Variants in LARP7 observed in about 807,000 individuals in gnomAD.
LARP7 encodes La ribonucleoprotein 7, transcriptional regulator.
A neutral mutation model predicts 69.3 loss-of-function variants in LARP7; 52 were observed. The observed-to-expected ratio is 0.75, with a 90% CI of 0.60 to 0.95. The LOEUF is 0.95. Among genes scored for constraint, LARP7 ranks in the 40% least tolerant of loss-of-function variants. LARP7 has a pLI of 0.00. For missense variants in LARP7, 733 were observed against 673.0 expected (o/e 1.09, Z -0.99); for synonymous variants, 254 against 215.9 (o/e 1.18, Z -1.55).
At chr4:112,641,263 G>A (rs1036063884) in intron 1 of LARP7, among the ~76,000 whole-genome samples, 2 of 152,128 alleles carry the variant, frequency 1.3e-5, no homozygotes, top group Non-Finnish European at 2.9e-5. Flanking sequence ...GGTGGCACAT[G>A]CCTATAGTCC....
intron 2 of LARP7, chr4:112,645,586 A>G (rs2048161006): frequency 2.2e-6 from 1 of 455,722 alleles, no homozygotes; most frequent in East Asian, 7.0e-5. Context: ...GCTCACTCCA[A>G]CTTCTGCCCC....
In LARP7 at chr4:112,646,905, T is replaced by C; in HGVS notation, c.502T>C (p.Phe168Leu). Residue 168 changes from phenylalanine to leucine, a missense_variant, in exon 5 of 13, where the codon TTT becomes CTT. Coordinates refer to ENST00000344442, the MANE Select transcript of LARP7 (RefSeq NM_016648.4). ...TAAGTCTACTGGAGATCCAAAGGGA[T>C]TTGCGTTTGTGGAATTTGAAACAAA... ...HYKSTGDPKG[F>L]AFVEFETKEQ... is the part of the protein sequence containing the mutation. 6.2e-7 allele frequency: 1 copy of C among 1,609,862 alleles called. No homozygotes were observed. Among genetic ancestry groups the C allele is most frequent in the Non-Finnish European group, 8.5e-7 (1 of 1,179,222 alleles).
Position 112,654,289 on chromosome 4 carries a change from A to G in LARP7, c.1668+130A>G, listed in dbSNP as rs921577182. ...AACAAAAATTTACTGAGTATATACT[A>G]TGTTTTAGGTTGGGAGGGAAAAGTC... is the stretch of plus-strand genomic sequence containing the variant. On this transcript the variant is annotated intron_variant, in intron 12 of 12. Coordinates refer to ENST00000344442, the MANE Select transcript of LARP7 (RefSeq NM_016648.4). 4.6e-5 allele frequency: 26 copies of G among 565,448 alleles called. No homozygotes were observed. The South Asian group carries it at 4.7e-4, about 10-fold the overall frequency. The allele number at this position is 565,448 out of a possible 1,614,324, so 35.0% of individuals were successfully genotyped here. A position where few individuals can be genotyped will look rare whatever the true frequency, so the allele number is the denominator to read the frequency against.
rs2048682717 is a variant in LARP7, at chr4:112,650,600, C to T, written c.1416+18C>T. The T allele has an allele frequency of 1.2e-6, 2 of 1,605,142 alleles. No individual in the cohort carries two copies. Among genetic ancestry groups the T allele is most frequent in the Non-Finnish European group, 1.7e-6 (2 of 1,175,638 alleles). On this transcript the variant is annotated intron_variant, in intron 10 of 12. Coordinates refer to ENST00000344442, the MANE Select transcript of LARP7 (RefSeq NM_016648.4). ...AAGTCCGGGTAATGATTTTGAGCCC[C>T]TAGGGTATTTGTTCCTTTCTTCTCT...
chr4:112,644,539 C>A, intron 1 of LARP7, 129 bp from the exon 2 acceptor site: 1 of 1,048,548 alleles, frequency 9.5e-7, no homozygotes, highest in Non-Finnish European at 1.3e-6. Flanking sequence ...AATGTTCTTT[C>A]TGTTTGTCTT....
In LARP7 at chr4:112,653,107, T is replaced by C. The variant is rs768746321; in HGVS notation, c.1447T>C (p.Tyr483His). 6.3e-7 allele frequency: 1 copy of C among 1,599,786 alleles called. No individual in the cohort carries two copies. The highest frequency in any genetic ancestry group is 1.8e-5 in the Admixed American group (1 of 56,142). Residue 483 changes from tyrosine (Y) to histidine (H), a missense_variant, in exon 11 of 13, where the codon TAT (tyrosine) becomes CAT (histidine). Physicochemically the swap from Tyr to His is moderately conservative, Grantham distance 83. Transcript: ENST00000344442. ...TTTGGCAGCAATCTCAGAAGTTCTT[T>C]ATGTTGATTTGCTAGAAGGGGATAC... ...DTLAAISEVL[Y>H]VDLLEGDTEC...
Position 112,657,305 on chromosome 4 carries a change from T to C in LARP7, c.1727T>C (p.Ile576Thr), listed in dbSNP as rs369296762. Residue 576 changes from isoleucine to threonine, a missense_variant, in exon 13 of 13, where the codon ATA becomes ACA. Ile to Thr is a moderately conservative substitution (Grantham distance 89). Coordinates refer to ENST00000344442, the MANE Select transcript of LARP7 (RefSeq NM_016648.4). Reference sequence around the variant, plus strand: ...AAGACTCAACAAGCGAGTAAACATATAAGATTTTCTGAATATGATTGAAAA... The same window carrying C: ...AAGACTCAACAAGCGAGTAAACATACAAGATTTTCTGAATATGATTGAAAA... ...LAKTQQASKHIRFSEYD is the reference protein window; with the variant it reads ...LAKTQQASKHTRFSEYD The C allele has an allele frequency of 5.0e-6, 8 of 1,585,402 alleles. No individual in the cohort carries two copies. In the African/African-American group the frequency reaches 6.8e-5, roughly 13 times the overall value.
chr4:112,654,864 A>T (rs1451143145), intron 12 of LARP7: 5 of 152,188 alleles, frequency 3.3e-5, no homozygotes, highest in African/African-American at 1.2e-4. Context: ...AATATTAACT[A>T]CAGTCATCAA....
At position 112,647,072 on chromosome 4, in the gene LARP7, T is replaced by C; in HGVS notation, c.591T>C (p.Pro197=). ...NNPPEEAPRK[P]GIFPKTVKNK... is the part of the protein sequence containing the mutation. ...CACCAGAAGAAGCACCAAGAAAACC[T>C]GGCATATTTCCTAAAACAGTGAAAA... The change falls in exon 6 of 13, where the codon CCT becomes CCC. Residue 197 remains proline, a synonymous_variant. Coordinates refer to ENST00000344442, the MANE Select transcript of LARP7 (RefSeq NM_016648.4). The C allele has an allele frequency of 1.2e-6, 2 of 1,611,892 alleles. No homozygotes were observed. Among genetic ancestry groups the C allele is most frequent in the Non-Finnish European group, 1.7e-6 (2 of 1,179,550 alleles).
chr4:112,641,789 C>T (rs1467576530), intron 1 of LARP7, among the ~76,000 whole-genome samples: 1 of 152,092 alleles, frequency 6.6e-6, no homozygotes, highest in African/African-American at 2.4e-5. Context: ...CCTATTTTCA[C>T]CATGTTAATT....
In LARP7 at chr4:112,646,687, CG is replaced by C; in HGVS notation, c.387+19del. On this transcript the variant is annotated intron_variant, in intron 4 of 12. Transcript: ENST00000344442. ...AGTGTATGTGGTAAGCTTAAGAACCCGGGTCCCCAGTCAGAAACTGGCACAG... is the reference window on the plus strand; with the variant it reads ...AGTGTATGTGGTAAGCTTAAGAACCCGGTCCCCAGTCAGAAACTGGCACAG... The C allele has an allele frequency of 6.3e-7, 1 of 1,578,362 alleles. No individual in the cohort carries two copies. Among genetic ancestry groups the C allele is most frequent in the African/African-American group, 1.4e-5 (1 of 73,090 alleles).
intron 12 of LARP7, among the ~76,000 whole-genome samples, chr4:112,656,110 A>T (rs941512060): frequency 6.6e-6 from 1 of 152,304 alleles, no homozygotes; most frequent in Admixed American, 6.5e-5. Flanking sequence ...GGCTCTTAAT[A>T]TTCACATTAT....
Position 112,642,436 on chromosome 4 carries a change from G to T in LARP7, c.-2-2232G>T, listed in dbSNP as rs181121311. On this transcript the variant is annotated intron_variant, in intron 1 of 12. Transcript: ENST00000344442. ...AAAATGTACTTCTGTTGAGTTTGAT[G>T]AGAATGCATGTTTAGTTGGAGATTT... 3.5e-4 allele frequency among the ~76,000 whole-genome samples: 53 copies of T among 152,310 alleles called. 2 individuals are homozygous for T. In the East Asian group the frequency reaches 9.8e-3, roughly 28 times the overall value.
In LARP7 at chr4:112,647,424, G is replaced by T. The variant is rs774437783; in HGVS notation, c.872G>T (p.Arg291Ile). ...GAAGCATCTAGCTTACCTGAAGTCAGAACAGGGAAGAGGAAGAGAAGCAGC... is the reference window on the plus strand; with the variant it reads ...GAAGCATCTAGCTTACCTGAAGTCATAACAGGGAAGAGGAAGAGAAGCAGC... ...RVEASSLPEV[R>I]TGKRKRSSSE... The change falls in exon 7 of 13, where the codon AGA becomes ATA. Residue 291 changes from arginine (R) to isoleucine (I), a missense_variant. By Grantham distance (97) the Arg-to-Ile change is moderately conservative. Coordinates refer to ENST00000344442, the MANE Select transcript of LARP7 (RefSeq NM_016648.4). 1.2e-6 allele frequency: 2 copies of T among 1,614,116 alleles called. No individual in the cohort carries two copies. Among genetic ancestry groups the T allele is most frequent in the East Asian group, 4.5e-5 (2 of 44,874 alleles).
chr4:112,641,066 T>C (rs2047940459), intron 1 of LARP7, among the ~76,000 whole-genome samples: 1 of 152,152 alleles, frequency 6.6e-6, no homozygotes, highest in African/African-American at 2.4e-5. Flanking sequence ...TAAGATCCAG[T>C]CAACCACAGT....
rs1422295652 is a variant in LARP7 at position 112,654,086 on chromosome 4, A to G, written c.1595A>G (p.Tyr532Cys). ...TTTTAAGGTGATCACGAACAAAGGT[A>G]TTGGCAGAAGATTTTGGTTGATAGA... ...EILSGDHEQR[Y>C]WQKILVDRQA... The change falls in exon 12 of 13, where the codon TAT becomes TGT. Residue 532 changes from tyrosine to cysteine, a missense_variant. Coordinates refer to ENST00000344442, the MANE Select transcript of LARP7 (RefSeq NM_016648.4). The G allele has an allele frequency of 6.2e-7, 1 of 1,613,604 alleles. No homozygotes were observed. The highest frequency in any genetic ancestry group is 8.5e-7 in the Non-Finnish European group (1 of 1,179,556).
rs761492718 is a variant in LARP7, at chr4:112,649,571, G to A, written c.1179G>A (p.Ala393=). 7.5e-6 allele frequency: 12 copies of A among 1,604,152 alleles called. No homozygotes were observed. Among genetic ancestry groups the A allele is most frequent in the African/African-American group, 5.4e-5 (4 of 74,440 alleles). The change falls in exon 9 of 13, where the codon GCG becomes GCA. Residue 393 remains alanine (A), a synonymous_variant. Coordinates refer to ENST00000344442, the MANE Select transcript of LARP7 (RefSeq NM_016648.4). ...EWMDLKKEYL[A]LQKASMASLK... ...TGGATTTGAAAAAAGAGTATTTAGC[G>A]CTACAAAAAGCTAGCATGGCTTCTT...
chr4:112,646,564 TTAATG>T lies in LARP7; in HGVS notation c.304-19_304-15del, dbSNP rs1446380525. 7.2e-7 allele frequency: 1 copy of T among 1,393,032 alleles called. No individual in the cohort carries two copies. Among genetic ancestry groups the T allele is most frequent in the Admixed American group, 2.4e-5 (1 of 42,172 alleles). 86.3% of individuals were successfully genotyped at this position (1,393,032 alleles called of 1,614,324 possible). ...ACAATTATAAATAATATTAGTTTTA[TTAATG>T]TAATATACTATTTTAAAGCTTGATT... On this transcript the variant is annotated intron_variant, in intron 3 of 12. Transcript: ENST00000344442.
intron 8 of LARP7, chr4:112,648,490 T>A (rs987734352): frequency 1.9e-6 from 1 of 533,884 alleles, no homozygotes; most frequent in Admixed American, 1.9e-5. Flanking sequence ...GATTCACTCC[T>A]ACTAAAACAT....
Sources: gnomAD v4.1 joint callset for allele counts (sites outside exome capture counted in the v4.1 genomes callset) on GRCh38, gnomAD v4.1.1 for gene constraint, MANE v1.5 for transcripts, NCBI Gene and HGNC (gene_info 2026-07-23, HGNC 2026-07-21) for gene names.